KLHL3: variants seen among roughly 807,000 people sequenced by gnomAD.
KLHL3 encodes kelch-like protein 3.
A neutral mutation model predicts 70.5 loss-of-function variants in KLHL3; 19 were observed. The ratio of observed to expected loss-of-function variants is 0.27; its 90% confidence interval spans 0.19 to 0.40. KLHL3 has a LOEUF of 0.40. KLHL3 is among the 10% of genes least tolerant of loss of function. The pLI, the probability that KLHL3 is intolerant of heterozygous loss-of-function variation, is 1.00. For missense variants in KLHL3, 512 were observed against 771.1 expected, an observed-to-expected ratio of 0.66 and a Z score of 3.98; for synonymous variants, 258 against 290.3, an observed-to-expected ratio of 0.89 and a Z score of 1.13.
At chr5:137,692,835 C>CACACAA (rs1752356059) in intron 4 of KLHL3, 1 of 228,608 alleles carries the variant, frequency 4.4e-6, no homozygotes, top group Non-Finnish European at 8.7e-6. Context: ...CACACACACA[C>CACACAA]ACACACACAC....
At chr5:137,686,301 G>A (rs903838463) in intron 5 of KLHL3, among the ~76,000 whole-genome samples, 1 of 152,220 alleles carries the variant, frequency 6.6e-6, no homozygotes, top group Non-Finnish European at 1.5e-5. Flanking sequence ...CCTCACTGCA[G>A]ATGATGAGGC....
chr5:137,661,938 A>G lies in KLHL3; in HGVS notation c.730T>C (p.Leu244=), dbSNP rs1561595683. Residue 244 remains leucine, a synonymous_variant, in exon 7 of 15, where the codon TTA becomes CTA. Transcript: ENST00000309755. ...KLMEHVRLPL[L]PRDYLVQTVE... ...ACTTGGACTAGGTAGTCCCTAGGTA[A>G]GAGAGGAAGTCGGACATGTTCCATC... 1 of 1,606,186 alleles carries G rather than the reference A, an allele frequency of 6.2e-7. No homozygotes were observed. Among genetic ancestry groups the G allele is most frequent in the East Asian group, 2.2e-5 (1 of 44,838 alleles).
chr5:137,720,442 C>T, intron 2 of KLHL3, 23 bp downstream of exon 2: 2 of 1,613,846 alleles, frequency 1.2e-6, no homozygotes, highest in African/African-American at 1.3e-5. Context: ...TCTGCAAGGG[C>T]ACGGACAAGA....
chr5:137,722,172 A>G (rs1015426629), intron 1 of KLHL3, among the ~76,000 whole-genome samples: 6 of 152,238 alleles, frequency 3.9e-5, no homozygotes, highest in African/African-American at 1.4e-4. Context: ...AGAGGCTTCT[A>G]TGCTTTAGAG....
chr5:137,707,548 C>T (rs1205081766), intron 3 of KLHL3: 1 of 154,164 alleles, frequency 6.5e-6, no homozygotes, highest in Non-Finnish European at 1.5e-5. Context: ...CATACTCTTA[C>T]CTAGATGTTG....
At chr5:137,650,821 TA>T (rs202115631) in intron 8 of KLHL3, among the ~76,000 whole-genome samples, 4,845 of 118,240 alleles carry the variant, frequency 0.041, 90 homozygotes, top group Admixed American at 0.059. Context: ...AAACTCCATC[TA>T]AAAAAAAAAA....
At chr5:137,687,398 C>T (rs1752211756) in intron 5 of KLHL3, among the ~76,000 whole-genome samples, 1 of 31,200 alleles carries the variant, frequency 3.2e-5, no homozygotes, top group Non-Finnish European at 5.9e-5. Context: ...GCGAGCCGCC[C>T]CGTCCGGGAG....
At chr5:137,692,635 A>C (rs1752350667) in intron 4 of KLHL3, 188 bp from the exon 5 acceptor site, 2 of 576,702 alleles carry the variant, frequency 3.5e-6, no homozygotes, top group Non-Finnish European at 6.2e-6. Context: ...GACCCTAAAC[A>C]CCAGCAGATT....
At chr5:137,701,106 C>T (rs1205464471) in intron 3 of KLHL3, among the ~76,000 whole-genome samples, 2 of 152,050 alleles carry the variant, frequency 1.3e-5, no homozygotes, top group Admixed American at 6.6e-5. Flanking sequence ...GATCTCAGCT[C>T]ACCGCAACCT....
chr5:137,654,033 C>A lies in KLHL3; in HGVS notation c.903+4098G>T, dbSNP rs1751277818. ...AGCATGATTCCATTTATATGACACT[C>A]TAGAAAAGGCAAAACCATAGGGACA... On this transcript the variant is annotated intron_variant, in intron 8 of 14. Transcript: ENST00000309755. 5.3e-5 allele frequency among the ~76,000 whole-genome samples: 8 copies of A among 152,288 alleles called. No individual in the cohort carries two copies. The Middle Eastern group carries it at 0.014, about 259-fold the overall frequency.
chr5:137,710,733 A>G (rs1371801406), intron 2 of KLHL3, among the ~76,000 whole-genome samples: 2 of 152,170 alleles, frequency 1.3e-5, no homozygotes, highest in African/African-American at 4.8e-5. Context: ...TATCAATATA[A>G]TAGTTAATAT....
intron 8 of KLHL3, among the ~76,000 whole-genome samples, chr5:137,652,673 C>T (rs1751232340): frequency 6.6e-6 from 1 of 152,056 alleles, no homozygotes; most frequent in Admixed American, 6.5e-5. Context: ...AAGGGGTTGG[C>T]TGGGAAGATG....
intron 2 of KLHL3, among the ~76,000 whole-genome samples, chr5:137,713,619 A>G (rs1197746613): frequency 3.3e-5 from 5 of 152,224 alleles, no homozygotes; most frequent in Non-Finnish European, 4.4e-5. Flanking sequence ...GACTCCAAAT[A>G]AGGCAATGGT....
At chr5:137,654,267 C>G (rs1036610509) in intron 8 of KLHL3, among the ~76,000 whole-genome samples, 1 of 152,184 alleles carries the variant, frequency 6.6e-6, no homozygotes, top group African/African-American at 2.4e-5. Flanking sequence ...CTCTACTAAT[C>G]TAAAAGAAAA....
chr5:137,693,229 A>T (rs1042764718), intron 4 of KLHL3, among the ~76,000 whole-genome samples: 2 of 152,238 alleles, frequency 1.3e-5, no homozygotes, highest in Non-Finnish European at 2.9e-5. Flanking sequence ...AGGCAACGAC[A>T]CTTTATTCTC....
intron 3 of KLHL3, among the ~76,000 whole-genome samples, chr5:137,702,022 C>T (rs189864326): frequency 1.6e-4 from 24 of 152,304 alleles, no homozygotes; most frequent in African/African-American, 5.1e-4. Context: ...TTCAATTCAC[C>T]AAACACATAT....
At chr5:137,731,388 C>T (rs1000354239) in intron 1 of KLHL3, among the ~76,000 whole-genome samples, 20 of 152,138 alleles carry the variant, frequency 1.3e-4, no homozygotes, top group African/African-American at 4.3e-4. Context: ...AGTGACTTGC[C>T]GCTGGGAACA....
intron 11 of KLHL3, among the ~76,000 whole-genome samples, chr5:137,635,487 T>C (rs919454042): frequency 6.6e-6 from 1 of 152,228 alleles, no homozygotes; most frequent in African/African-American, 2.4e-5. Context: ...TTTTCCTAAA[T>C]AGGTATTCTT....
intron 1 of KLHL3, among the ~76,000 whole-genome samples, chr5:137,729,195 C>G (rs1753132903): frequency 6.6e-6 from 1 of 152,042 alleles, no homozygotes. Context: ...TATGTTCAAG[C>G]TAGAGATGAG....
Sources: gnomAD v4.1 joint callset for allele counts (sites outside exome capture counted in the v4.1 genomes callset) on GRCh38, gnomAD v4.1.1 for gene constraint, MANE v1.5 for transcripts, NCBI Gene and HGNC (gene_info 2026-07-23, HGNC 2026-07-21) for gene names.